The following OSBPL10 variants were observed in gnomAD, a reference collection of about 807,000 sequenced individuals.
The protein encoded by OSBPL10 is oxysterol-binding protein-related protein 10.
A neutral mutation model predicts 81.7 loss-of-function variants in OSBPL10; 49 were observed. The observed-to-expected ratio is 0.60, with a 90% CI of 0.48 to 0.76. The LOEUF (loss-of-function observed/expected upper bound fraction) is 0.76. Ranked by LOEUF, OSBPL10 falls within the 30% of genes least tolerant of loss-of-function variation. OSBPL10 has a pLI of 0.00. For missense variants in OSBPL10, 923 were observed against 987.8 expected (o/e 0.93, Z 0.88); for synonymous variants, 419 against 383.6 (o/e 1.09, Z -1.08).
intron 1 of OSBPL10, among the ~76,000 whole-genome samples, chr3:32,049,704 T>C (rs1311864997): frequency 1.3e-5 from 2 of 152,180 alleles, no homozygotes; most frequent in East Asian, 1.9e-4. Context: ...CTGATGGCTA[T>C]GAGTGACAGG....
At chr3:31,875,252 AGG>A (rs1701422949) in intron 3 of OSBPL10, among the ~76,000 whole-genome samples, 1 of 152,166 alleles carries the variant, frequency 6.6e-6, no homozygotes, top group Admixed American at 6.5e-5. Context: ...ATGAGCACAT[AGG>A]GCAATAGGTG....
At chr3:31,663,701 C>T in intron 11 of OSBPL10, 6 of 1,118,948 alleles carry the variant, frequency 5.4e-6, no homozygotes, top group Non-Finnish European at 6.6e-6. Flanking sequence ...GCCTGTGAGG[C>T]ACTCCTCAAC....
chr3:32,025,523 G>A (rs911980977), intron 2 of OSBPL10, among the ~76,000 whole-genome samples: 8 of 152,104 alleles, frequency 5.3e-5, no homozygotes, highest in Admixed American at 3.9e-4. Context: ...CTCATTGAAT[G>A]AGCTGGGAAG....
intron 1 of OSBPL10, among the ~76,000 whole-genome samples, chr3:31,953,467 G>T (rs1697926331): frequency 6.6e-6 from 1 of 151,920 alleles, no homozygotes; most frequent in Non-Finnish European, 1.5e-5. Context: ...GAGTGCAGTG[G>T]CTTGATCACA....
chr3:32,006,014 G>C (rs1440183644), intron 2 of OSBPL10, among the ~76,000 whole-genome samples: 1 of 151,372 alleles, frequency 6.6e-6, no homozygotes, highest in Non-Finnish European at 1.5e-5. Flanking sequence ...GTACCATCTT[G>C]GCTCACTGCA....
chr3:32,071,297 G>A (rs977999246), intron 1 of OSBPL10, among the ~76,000 whole-genome samples: 3 of 152,062 alleles, frequency 2.0e-5, no homozygotes, highest in Non-Finnish European at 2.9e-5. Context: ...GGATACTTTC[G>A]CCTTTGGATA....
At chr3:31,728,954 T>C (rs1187498366) in intron 6 of OSBPL10, among the ~76,000 whole-genome samples, 1 of 152,222 alleles carries the variant, frequency 6.6e-6, no homozygotes, top group Non-Finnish European at 1.5e-5. Flanking sequence ...CCTTTGAGTG[T>C]CATGTCGGCC....
chr3:31,836,617 A>G (rs1486533327), intron 3 of OSBPL10, among the ~76,000 whole-genome samples: 1 of 147,008 alleles, frequency 6.8e-6, no homozygotes, highest in African/African-American at 2.5e-5. Flanking sequence ...ATCCCTAGCC[A>G]GTCTCCAGGG....
intron 7 of OSBPL10, among the ~76,000 whole-genome samples, chr3:31,697,633 T>A (rs1695766503): frequency 6.6e-6 from 1 of 152,150 alleles, no homozygotes; most frequent in African/African-American, 2.4e-5. Flanking sequence ...AACTTTACAG[T>A]CATCTTTTAT....
intron 2 of OSBPL10, among the ~76,000 whole-genome samples, chr3:32,036,823 C>CA (rs35549518): frequency 0.67 from 95,923 of 142,126 alleles, 32,198 homozygotes; most frequent in Middle Eastern, 0.75. Context: ...ACTCGTGTCT[C>CA]AAAAAAAAAA....
intron 6 of OSBPL10, among the ~76,000 whole-genome samples, chr3:31,716,129 C>T (rs1269596350): frequency 6.6e-6 from 1 of 152,114 alleles, no homozygotes; most frequent in African/African-American, 2.4e-5. Context: ...AGTCTAGGGC[C>T]CCCCTCCAGA....
rs529165692 is a variant in OSBPL10 at position 31,943,338 on chromosome 3, G to A, written c.281+37561C>T. Among the ~76,000 whole-genome samples, 4 of 152,176 alleles carry A rather than the reference G, an allele frequency of 2.6e-5. No individual in the cohort carries two copies. In the South Asian group the frequency reaches 8.3e-4, roughly 32 times the overall value. On this transcript the variant is annotated intron_variant, in intron 1 of 11. Coordinates refer to ENST00000396556, the MANE Select transcript of OSBPL10 (RefSeq NM_017784.5). The stretch of plus-strand genomic sequence containing the variant: ...AACCTTGCCATACAAGTATCTATTT[G>A]AGTCACTGCTTTCAATTATTTTGGG...
chr3:31,707,780 A>G (rs17028047), intron 6 of OSBPL10, among the ~76,000 whole-genome samples: 5,619 of 152,246 alleles, frequency 0.037, 362 homozygotes, highest in African/African-American at 0.13. Flanking sequence ...TCTCAATTCC[A>G]TAACTACACA....
intron 4 of OSBPL10, among the ~76,000 whole-genome samples, chr3:31,768,031 G>C (rs144300939): frequency 3.5e-4 from 54 of 152,232 alleles, no homozygotes; most frequent in African/African-American, 2.9e-4. Context: ...TTTCTTGATC[G>C]TGCGCTAAAA....
chr3:31,761,823 A>AAAAAAAAAAAAAAAAC (rs1553622727), intron 4 of OSBPL10, among the ~76,000 whole-genome samples: 2 of 149,978 alleles, frequency 1.3e-5, no homozygotes, highest in African/African-American at 5.1e-5. Flanking sequence ...TAAAAAAAAA[A>AAAAAAAAAAAAAAAAC]AAAAAAAACC....
intron 6 of OSBPL10, among the ~76,000 whole-genome samples, chr3:31,717,685 T>C (rs1182731022): frequency 6.6e-6 from 1 of 152,214 alleles, no homozygotes; most frequent in Non-Finnish European, 1.5e-5. Flanking sequence ...CTAGCCACAG[T>C]GACACAGGAT....
chr3:32,001,272 C>T (rs1348113313), intron 2 of OSBPL10, among the ~76,000 whole-genome samples: 1 of 152,164 alleles, frequency 6.6e-6, no homozygotes, highest in Non-Finnish European at 1.5e-5. Flanking sequence ...CGGTCTCCAA[C>T]CCTTCCCTGG....
intron 3 of OSBPL10, among the ~76,000 whole-genome samples, chr3:31,860,864 T>G (rs1243634283): frequency 4.5e-5 from 6 of 134,578 alleles, no homozygotes; most frequent in Non-Finnish European, 1.5e-5. Context: ...GGGGTTTTTT[T>G]TTTTGGGTTT....
intron 3 of OSBPL10, among the ~76,000 whole-genome samples, chr3:31,873,878 T>G (rs1048473097): frequency 6.6e-6 from 1 of 152,232 alleles, no homozygotes; most frequent in South Asian, 2.1e-4. Context: ...CACTGAATAA[T>G]AAGGTCTGTT....
Sources: allele counts gnomAD v4.1 joint callset (sites outside exome capture counted in the v4.1 genomes callset), GRCh38; gene constraint gnomAD v4.1.1; transcripts MANE v1.5; gene names NCBI Gene and HGNC (gene_info 2026-07-23, HGNC 2026-07-21).